TC2N: variants seen among roughly 807,000 people sequenced by gnomAD.
The protein encoded by TC2N is tandem C2 domains nuclear protein.
In TC2N, 51 loss-of-function variants were observed where a neutral mutation model predicts 61.9. The ratio of observed to expected loss-of-function variants is 0.82; its 90% CI spans 0.66 to 1.04. The LOEUF (loss-of-function observed/expected upper bound fraction) is 1.04. TC2N is among the 50% of genes least tolerant of loss of function. The pLI is 0.00. For synonymous variants in TC2N, 204 were observed against 192.6 expected, an observed-to-expected ratio of 1.06 and a Z score of -0.49; for missense variants, 556 against 566.7, an observed-to-expected ratio of 0.98 and a Z score of 0.19.
chr14:91,866,928 C>T (rs1888714975), intron 1 of TC2N, among the ~76,000 whole-genome samples: 1 of 152,212 alleles, frequency 6.6e-6, no homozygotes, highest in Admixed American at 6.5e-5. Flanking sequence ...GCAGTATACA[C>T]TTTGCCCTGG....
Position 91,823,061 on chromosome 14 carries a change from TACATGAAA to T in TC2N, c.-56-9244_-56-9237del, listed in dbSNP as rs577988127. ...GGTGATGGTTTCATAGGTACATACATACATGAAAACATGAAAACATCAAATTATCGATT... is the reference window on the plus strand; with the variant it reads ...GGTGATGGTTTCATAGGTACATACATACATGAAAACATCAAATTATCGATT... On this transcript the variant is annotated intron_variant, in intron 1 of 11. Transcript: ENST00000435962. Among the ~76,000 whole-genome samples the T allele has an allele frequency of 4.0e-3, 611 of 152,198 alleles. 5 individuals are homozygous for T. The highest frequency in any genetic ancestry group is 4.3e-3 in the Non-Finnish European group (294 of 68,002).
intron 1 of TC2N, chr14:91,836,362 G>T (rs1398987076): frequency 6.6e-6 from 1 of 151,926 alleles, no homozygotes. Flanking sequence ...CGCGGCCGCG[G>T]CCGGTTACCT....
At chr14:91,851,502 G>C (rs1027222191) in intron 1 of TC2N, among the ~76,000 whole-genome samples, 1 of 152,144 alleles carries the variant, frequency 6.6e-6, no homozygotes, top group Admixed American at 6.5e-5. Context: ...CTCTAGAGCT[G>C]TTTGATGCTG....
chr14:91,804,301 G>A (rs1230842658), intron 3 of TC2N, among the ~76,000 whole-genome samples: 1 of 152,148 alleles, frequency 6.6e-6, no homozygotes, highest in African/African-American at 2.4e-5. Flanking sequence ...TAAAGCCGAA[G>A]ATATTTATAT....
At chr14:91,865,411 T>C (rs1428777606) in intron 1 of TC2N, among the ~76,000 whole-genome samples, 2 of 150,844 alleles carry the variant, frequency 1.3e-5, no homozygotes, top group African/African-American at 4.9e-5. Context: ...CTTTTAGCTA[T>C]GTTCAGGGAT....
chr14:91,812,185 A>G, intron 3 of TC2N, 127 bp downstream of exon 3: 1 of 447,300 alleles, frequency 2.2e-6, no homozygotes, highest in Non-Finnish European at 3.7e-6. Context: ...TCTTCTACAG[A>G]AAGAGCAAAA....
intron 1 of TC2N, among the ~76,000 whole-genome samples, chr14:91,839,744 A>G (rs1330760246): frequency 6.6e-6 from 1 of 152,232 alleles, no homozygotes; most frequent in Admixed American, 6.5e-5. Flanking sequence ...TTAGAACATA[A>G]CAGCAGAAGC....
intron 1 of TC2N, among the ~76,000 whole-genome samples, chr14:91,863,342 T>C (rs1272840901): frequency 6.6e-6 from 1 of 152,180 alleles, no homozygotes; most frequent in Non-Finnish European, 1.5e-5. Flanking sequence ...GGAAGGGGAT[T>C]GATTAGCAAG....
At chr14:91,800,532 T>A (rs964396041) in intron 4 of TC2N, among the ~76,000 whole-genome samples, 160 bp from the exon 5 acceptor site, 3 of 152,084 alleles carry the variant, frequency 2.0e-5, no homozygotes, top group Admixed American at 6.6e-5. Context: ...CTTAAAAAAA[T>A]TTTTTTCAGT....
intron 1 of TC2N, among the ~76,000 whole-genome samples, chr14:91,853,380 A>G (rs12437338): frequency 0.49 from 73,976 of 151,586 alleles, 18,331 homozygotes; most frequent in African/African-American, 0.57. Context: ...AATGATATAT[A>G]CACAGCATAA....
intron 10 of TC2N, 57 bp downstream of exon 10, chr14:91,787,456 T>A: frequency 1.0e-6 from 1 of 964,998 alleles, no homozygotes; most frequent in South Asian, 1.7e-5. Flanking sequence ...GTAAAAAAAA[T>A]ACTTTCTATT....
At position 91,835,716 on chromosome 14, in the gene TC2N, G is replaced by T. The variant is rs184903800; in HGVS notation, c.-56-21891C>A. Among the ~76,000 whole-genome samples the T allele has an allele frequency of 7.9e-5, 12 of 152,290 alleles. No individual in the cohort carries two copies. The East Asian group carries it at 1.7e-3, about 22-fold the overall frequency. Reference sequence around the variant, plus strand: ...GTGGTTTGCAAACACCACAGTAAAGGGACACTTTTAACACCCTTTCGCCAC... The same window carrying T: ...GTGGTTTGCAAACACCACAGTAAAGTGACACTTTTAACACCCTTTCGCCAC... On this transcript the variant is annotated intron_variant, in intron 1 of 11. Transcript: ENST00000435962.
At position 91,780,514 on chromosome 14, in the gene TC2N, C is replaced by T. The variant is rs1425325156; in HGVS notation, c.*2586G>A. ...TTTTAAAAATCATGCAAAACAAAAG[C>T]CAAATAGTGATGTTATATTTTAACC... On this transcript the variant is annotated 3_prime_UTR_variant, in exon 12 of 12. Transcript: ENST00000435962. 6.6e-6 allele frequency: 1 copy of T among 152,104 alleles called. No homozygotes were observed. The highest frequency in any genetic ancestry group is 6.6e-5 in the Admixed American group (1 of 15,264). 9.4% of individuals were successfully genotyped at this position (152,104 alleles called of 1,614,324 possible).
At chr14:91,852,193 C>T (rs747026274) in intron 1 of TC2N, among the ~76,000 whole-genome samples, 3 of 152,062 alleles carry the variant, frequency 2.0e-5, no homozygotes, top group African/African-American at 4.8e-5. Context: ...TTTGGGAGGC[C>T]GAGGCGGGCA....
chr14:91,827,440 G>A (rs1253950743), intron 1 of TC2N, among the ~76,000 whole-genome samples: 1 of 152,086 alleles, frequency 6.6e-6, no homozygotes, highest in African/African-American at 2.4e-5. Flanking sequence ...TTGGCTCATG[G>A]CCCCTTCCTC....
At chr14:91,838,858 A>AT (rs1888114738) in intron 1 of TC2N, among the ~76,000 whole-genome samples, 1 of 152,198 alleles carries the variant, frequency 6.6e-6, no homozygotes, top group Non-Finnish European at 1.5e-5. Context: ...TTCCTGTTCT[A>AT]TCTGAGGCAA....
At chr14:91,838,146 CTTTTTTTTT>C (rs11406325) in intron 1 of TC2N, among the ~76,000 whole-genome samples, 1 of 131,850 alleles carries the variant, frequency 7.6e-6, no homozygotes, top group African/African-American at 2.9e-5. Flanking sequence ...TCATTTGTTC[CTTTTTTTTT>C]TTTTTTTTGG....
chr14:91,822,580 A>C (rs1240032936), intron 1 of TC2N, among the ~76,000 whole-genome samples: 1 of 152,166 alleles, frequency 6.6e-6, no homozygotes, highest in East Asian at 1.9e-4. Flanking sequence ...GAAATTAATC[A>C]ATAGTAACAA....
chr14:91,808,062 A>G (rs2139855884), intron 3 of TC2N, among the ~76,000 whole-genome samples: 1 of 151,990 alleles, frequency 6.6e-6, no homozygotes, highest in South Asian at 2.1e-4. Flanking sequence ...CATGCCTTTC[A>G]CCTTCTGCCA....
Sources: gnomAD v4.1 joint callset for allele counts (sites outside exome capture counted in the v4.1 genomes callset) on GRCh38, gnomAD v4.1.1 for gene constraint, MANE v1.5 for transcripts, NCBI Gene and HGNC (gene_info 2026-07-23, HGNC 2026-07-21) for gene names.